The following LAPTM4A variants were observed in gnomAD, a reference collection of about 807,000 sequenced individuals.
LAPTM4A encodes lysosomal-associated transmembrane protein 4A.
LAPTM4A carries 19 observed loss-of-function variants against 29.9 expected under a neutral mutation model. The observed-to-expected ratio is 0.64, with a 90% CI of 0.44 to 0.93. The LOEUF (loss-of-function observed/expected upper bound fraction) is 0.93, where lower values mean the gene tolerates loss of function less well. LAPTM4A is among the 40% of genes least tolerant of loss of function. The pLI, the probability that LAPTM4A is intolerant of heterozygous loss-of-function variation, is 0.00. For synonymous variants in LAPTM4A, 105 were observed against 102.1 expected (o/e 1.03, Z -0.17); for missense variants, 293 against 288.5 (o/e 1.02, Z -0.11).
At chr2:20,033,944 C>G (rs1053685176) in intron 6 of LAPTM4A, among the ~76,000 whole-genome samples, 12 of 152,158 alleles carry the variant, frequency 7.9e-5, no homozygotes, top group Non-Finnish European at 1.5e-4. Flanking sequence ...GGTCAGCTCC[C>G]CCGTTGGATC....
At chr2:20,048,476 A>G (rs777660891) in intron 1 of LAPTM4A, among the ~76,000 whole-genome samples, 1 of 152,200 alleles carries the variant, frequency 6.6e-6, no homozygotes, top group Non-Finnish European at 1.5e-5. Flanking sequence ...CCACAGCACT[A>G]TTTTGTACCA....
chr2:20,041,793 C>T (rs1673807963), intron 1 of LAPTM4A, among the ~76,000 whole-genome samples: 1 of 152,190 alleles, frequency 6.6e-6, no homozygotes, highest in Admixed American at 6.5e-5. Context: ...GCCCTAGCCT[C>T]CCAAAGTGTT....
chr2:20,043,568 T>C (rs1284224041), intron 1 of LAPTM4A, among the ~76,000 whole-genome samples: 2 of 152,226 alleles, frequency 1.3e-5, no homozygotes, highest in African/African-American at 4.8e-5. Context: ...CTGTTTCACC[T>C]TGAATGATAA....
rs191292332 is a variant in LAPTM4A at position 20,034,309 on chromosome 2, T to A, written c.627+8A>T. ...GGTGACCTTTTACTCTATCCAACAG[T>A]AGCTAACCTGAGGAGGTGCTTCAAA... On this transcript the variant is annotated splice_region_variant and intron_variant, in intron 6 of 6. Coordinates refer to ENST00000175091, the MANE Select transcript of LAPTM4A (RefSeq NM_014713.5). The A allele has an allele frequency of 6.3e-7, 1 of 1,592,906 alleles. No homozygotes were observed.
At chr2:20,035,990 G>A (rs1006433584) in intron 4 of LAPTM4A, among the ~76,000 whole-genome samples, 4 of 152,138 alleles carry the variant, frequency 2.6e-5, no homozygotes, top group Non-Finnish European at 5.9e-5. Flanking sequence ...CCCCAGCCAG[G>A]TTGTCTCCTT....
At chr2:20,051,125 C>A (rs549496793) in intron 1 of LAPTM4A, among the ~76,000 whole-genome samples, 12 of 152,342 alleles carry the variant, frequency 7.9e-5, no homozygotes, top group Admixed American at 6.5e-4. Flanking sequence ...CTCGTCCCTT[C>A]GCCTGCAAAG....
Position 20,034,519 on chromosome 2 carries a change from G to A in LAPTM4A, c.529-104C>T, listed in dbSNP as rs552786295. ...GCTTTCCCCACACATCCTCTGTGTA[G>A]AAGGGAGCTGACCTCTGTGTGGACC... On this transcript the variant is annotated intron_variant, in intron 5 of 6. Transcript: ENST00000175091. 3 of 785,742 alleles carry A rather than the reference G, an allele frequency of 3.8e-6. No homozygotes were observed. In the East Asian group the frequency reaches 7.6e-5, roughly 20 times the overall value. 48.7% of individuals were successfully genotyped at this position (785,742 alleles called of 1,614,324 possible).
chr2:20,040,430 T>C (rs2103497424), intron 2 of LAPTM4A, among the ~76,000 whole-genome samples: 1 of 152,358 alleles, frequency 6.6e-6, no homozygotes, highest in East Asian at 1.9e-4. Context: ...TTACCCTTAT[T>C]ATGTAACCAT....
intron 4 of LAPTM4A, among the ~76,000 whole-genome samples, chr2:20,036,585 G>C (rs1673681768): frequency 6.6e-6 from 1 of 152,170 alleles, no homozygotes; most frequent in Non-Finnish European, 1.5e-5. Context: ...TGGTGGTGTG[G>C]AAAATGGGCT....
intron 1 of LAPTM4A, among the ~76,000 whole-genome samples, chr2:20,051,069 TACA>T (rs747059882): frequency 6.6e-6 from 1 of 152,012 alleles, no homozygotes; most frequent in Non-Finnish European, 1.5e-5. Flanking sequence ...ATCGTAGAAA[TACA>T]ACAAGAACCA....
At chr2:20,050,032 C>A (rs938678439) in intron 1 of LAPTM4A, among the ~76,000 whole-genome samples, 9 of 152,122 alleles carry the variant, frequency 5.9e-5, no homozygotes, top group African/African-American at 2.2e-4. Context: ...AAATACAGAA[C>A]GAAAGAGTCT....
At chr2:20,036,054 A>G (rs1336836720) in intron 4 of LAPTM4A, among the ~76,000 whole-genome samples, 1 of 152,200 alleles carries the variant, frequency 6.6e-6, no homozygotes, top group Non-Finnish European at 1.5e-5. Context: ...AAAAACACAG[A>G]AGGTGGAGCT....
chr2:20,033,306 G>C (rs1219365683), intron 6 of LAPTM4A, 27 bp from the exon 7 acceptor site: 1 of 1,538,528 alleles, frequency 6.5e-7, no homozygotes. Context: ...AATTGTATCA[G>C]ATTTAATTCT....
intron 1 of LAPTM4A, among the ~76,000 whole-genome samples, chr2:20,047,983 T>C (rs1034004446): frequency 8.5e-5 from 13 of 152,162 alleles, no homozygotes; most frequent in Non-Finnish European, 1.5e-4. Flanking sequence ...AAACAAGCTA[T>C]GCTTACTTGA....
In LAPTM4A at chr2:20,051,467, C is replaced by T. The variant is rs760262998; in HGVS notation, c.54G>A (p.Arg18=). Residue 18 remains arginine, a synonymous_variant, in exon 1 of 7, where the codon CGG becomes CGA. Transcript: ENST00000175091. ...RNRSDRFYST[R]CCGCCHVRTG... ...TGCGGACATGGCAACAGCCGCAGCA[C>T]CGGGTGCTGTAGAACCGGTCACTGC... 22 of 1,613,580 alleles carry T rather than the reference C, an allele frequency of 1.4e-5. No individual in the cohort carries two copies. The East Asian group carries it at 4.9e-4, about 36-fold the overall frequency.
In LAPTM4A at chr2:20,039,824, C is replaced by A. The variant is rs142805822; in HGVS notation, c.232+1067G>T. On this transcript the variant is annotated intron_variant, in intron 2 of 6. Coordinates refer to ENST00000175091, the MANE Select transcript of LAPTM4A (RefSeq NM_014713.5). ...ATCCCAGCACTTTGGGAGGCTGAGG[C>A]GGGTGGATCACCTAAGGTCGGGAGT... 1.1e-3 allele frequency among the ~76,000 whole-genome samples: 162 copies of A among 152,232 alleles called. 1 individual carries two copies. The highest frequency in any genetic ancestry group is 3.8e-3 in the African/African-American group (157 of 41,546).
At chr2:20,042,950 T>C (rs1673833687) in intron 1 of LAPTM4A, among the ~76,000 whole-genome samples, 1 of 152,224 alleles carries the variant, frequency 6.6e-6, no homozygotes, top group East Asian at 1.9e-4. Flanking sequence ...TTAATTTATT[T>C]AGTTTTTGAG....
intron 2 of LAPTM4A, among the ~76,000 whole-genome samples, chr2:20,038,393 C>G (rs773257866): frequency 3.0e-4 from 46 of 152,162 alleles, no homozygotes; most frequent in Admixed American, 2.9e-3. Context: ...TTTCTTAGCA[C>G]AAATCTGTAG....
intron 1 of LAPTM4A, among the ~76,000 whole-genome samples, chr2:20,043,942 T>G (rs1673859660): frequency 6.6e-6 from 1 of 152,232 alleles, no homozygotes; most frequent in Non-Finnish European, 1.5e-5. Context: ...TGATTATTAA[T>G]AAACATTCCC....
Sources: allele counts gnomAD v4.1 joint callset (sites outside exome capture counted in the v4.1 genomes callset), GRCh38; gene constraint gnomAD v4.1.1; transcripts MANE v1.5; gene names NCBI Gene and HGNC (gene_info 2026-07-23, HGNC 2026-07-21).